The following TASOR2 variants were observed in gnomAD, a reference collection of about 807,000 sequenced individuals.
TASOR2 encodes the protein protein TASOR 2.
A neutral mutation model predicts 199.5 loss-of-function variants in TASOR2; 84 were observed. The ratio of observed to expected loss-of-function variants is 0.42; its 90% CI spans 0.35 to 0.50. The LOEUF (loss-of-function observed/expected upper bound fraction) is 0.50, where lower values mean the gene tolerates loss of function less well. Ranked by LOEUF, TASOR2 falls within the 20% of genes least tolerant of loss-of-function variation. The pLI is 0.02. For synonymous variants in TASOR2, 1,103 were observed against 1,046.6 expected, an observed-to-expected ratio of 1.05 and a Z score of -1.04; for missense variants, 2,796 against 2,835.9, an observed-to-expected ratio of 0.99 and a Z score of 0.32.
chr10:5,712,007 A>T (rs1272624415), intron 1 of TASOR2, among the ~76,000 whole-genome samples: 2 of 152,068 alleles, frequency 1.3e-5, no homozygotes, highest in Non-Finnish European at 2.9e-5. Context: ...TTAAAAAAAA[A>T]AGAATAGAAA....
chr10:5,740,196 C>T lies in TASOR2; in HGVS notation c.2026C>T (p.Pro676Ser), dbSNP rs753510360. 1.2e-6 allele frequency: 2 copies of T among 1,614,192 alleles called. No homozygotes were observed. Among genetic ancestry groups the T allele is most frequent in the Admixed American group, 1.7e-5 (1 of 60,026 alleles). Residue 676 changes from proline to serine, a missense_variant, in exon 13 of 21, where the codon CCT becomes TCT. Transcript: ENST00000328090. The surrounding 1 kb of genome is among the most constrained non-coding windows in gnomAD (Gnocchi z 5.3). ...TCTACAGGAGAGAGAGATACTAAGC[C>T]CTCTGTTTCCCAGGAATGGGACAAA...
At chr10:5,729,362 AAAC>A (rs1269894351) in intron 10 of TASOR2, among the ~76,000 whole-genome samples, 1 of 151,620 alleles carries the variant, frequency 6.6e-6, no homozygotes, top group Non-Finnish European at 1.5e-5. Context: ...AAACAAAACA[AAAC>A]AACAAAAAGA....
chr10:5,700,069 C>G (rs894410760), intron 1 of TASOR2, among the ~76,000 whole-genome samples: 1 of 152,082 alleles, frequency 6.6e-6, no homozygotes, highest in African/African-American at 2.4e-5. Context: ...ACCCATTAAT[C>G]AACTTCTCTT....
chr10:5,693,708 G>A (rs1012861377), intron 1 of TASOR2, among the ~76,000 whole-genome samples: 3 of 152,172 alleles, frequency 2.0e-5, no homozygotes, highest in African/African-American at 7.2e-5. Context: ...TTCCAAAGTG[G>A]AAATAGCTTT....
chr10:5,703,376 T>G (rs1371309203), intron 1 of TASOR2, among the ~76,000 whole-genome samples: 4 of 152,278 alleles, frequency 2.6e-5, no homozygotes, highest in African/African-American at 9.6e-5. Context: ...TTTAAATCTC[T>G]CAGTATGATT....
rs1837528181 is a variant in TASOR2 at position 5,748,419 on chromosome 10, A to G, written c.4998A>G (p.Thr1666=). 6.2e-7 allele frequency: 1 copy of G among 1,614,254 alleles called. No individual in the cohort carries two copies. The highest frequency in any genetic ancestry group is 8.5e-7 in the Non-Finnish European group (1 of 1,180,048). Residue 1666 remains threonine, a synonymous_variant, in exon 15 of 21, where the codon ACA becomes ACG. Coordinates refer to ENST00000328090, the Ensembl canonical transcript of TASOR2. This position sits in a 1 kb window ranked among gnomAD's most constrained non-coding sequence, Gnocchi z 5.1. ...TTTGTTCTTCCTCAGACAATGCTAC[A>G]TTAACCCATTATGTAAGACCAATAA...
In TASOR2 at chr10:5,701,205, T is replaced by C. The variant is rs1377619750; in HGVS notation, c.-287-11618T>C. Among the ~76,000 whole-genome samples, 1 of 152,148 alleles carries C rather than the reference T, an allele frequency of 6.6e-6. No homozygotes were observed. The highest frequency in any genetic ancestry group is 1.5e-5 in the Non-Finnish European group (1 of 67,990). ...TGTTTTGTTCTTCTGCATGTAGTTATCCAGTTTTCCCACCACCGTTTATCA... is the reference window on the plus strand; with the variant it reads ...TGTTTTGTTCTTCTGCATGTAGTTACCCAGTTTTCCCACCACCGTTTATCA... On this transcript the variant is annotated intron_variant, in intron 1 of 20. Transcript: ENST00000328090. The surrounding 1 kb of genome is among the most constrained non-coding windows in gnomAD (Gnocchi z 4.9).
rs570021898 is a variant in TASOR2 at position 5,720,912 on chromosome 10, C to A, written c.88C>A (p.Arg30Ser). Residue 30 changes from arginine to serine, a missense_variant, in exon 6 of 21, where the codon CGT becomes AGT. Transcript: ENST00000328090. This position sits in a 1 kb window ranked among gnomAD's most constrained non-coding sequence, Gnocchi z 5.3. ...GAAAGGGAAATTAATTGTTCAAGAC[C>A]GTATGCTATGTGATATAGCTCTTTG... 6.2e-7 allele frequency: 1 copy of A among 1,613,272 alleles called. No individual in the cohort carries two copies. Among genetic ancestry groups the A allele is most frequent in the Admixed American group, 1.7e-5 (1 of 59,930 alleles).
chr10:5,718,392 T>TAAAA (rs59475949), intron 3 of TASOR2, among the ~76,000 whole-genome samples: 4 of 137,510 alleles, frequency 2.9e-5, no homozygotes, highest in African/African-American at 8.1e-5. Context: ...GACCTTTAAT[T>TAAAA]AAAAAAAAAA....
At chr10:5,705,738 C>T (rs4748307) in intron 1 of TASOR2, among the ~76,000 whole-genome samples, 40,076 of 151,876 alleles carry the variant, frequency 0.26, 6,054 homozygotes, top group Non-Finnish European at 0.34. Flanking sequence ...GACCCATTTC[C>T]CATGTTTCTT....
intron 8 of TASOR2, 99 bp downstream of exon 9, chr10:5,724,632 T>G (rs370759992): frequency 0.015 from 2,613 of 178,914 alleles, 85 homozygotes; most frequent in South Asian, 0.058. Context: ...TATATATATA[T>G]ATAGATAGAT....
rs981443126 is a variant in TASOR2 at position 5,720,211 on chromosome 10, G to A, written c.-99-333G>A. 2 of 964,626 alleles carry A rather than the reference G, an allele frequency of 2.1e-6. No individual in the cohort carries two copies. The highest frequency in any genetic ancestry group is 2.5e-6 in the Non-Finnish European group (2 of 811,064). 59.8% of individuals were successfully genotyped at this position (964,626 alleles called of 1,614,324 possible). A position where few individuals can be genotyped will look rare whatever the true frequency, so the allele number is the denominator to read the frequency against. ...CTTCTAAATGAATCCTAGAGTAAAG[G>A]TTATTGCTATTCGAAGGCATCTGAT... On this transcript the variant is annotated intron_variant, in intron 3 of 20. Coordinates refer to ENST00000328090, the Ensembl canonical transcript of TASOR2. This position sits in a 1 kb window ranked among gnomAD's most constrained non-coding sequence, Gnocchi z 5.3.
intron 2 of TASOR2, among the ~76,000 whole-genome samples, chr10:5,714,976 G>C (rs1237214029): frequency 2.6e-5 from 4 of 152,148 alleles, no homozygotes; most frequent in Non-Finnish European, 4.4e-5. Flanking sequence ...GGCATGGAAA[G>C]AGAAGATGGC....
intron 17 of TASOR2, among the ~76,000 whole-genome samples, chr10:5,758,659 G>A (rs1450113276): frequency 6.6e-6 from 1 of 152,214 alleles, no homozygotes; most frequent in Non-Finnish European, 1.5e-5. Context: ...CACTGTGTTC[G>A]TGTCTACAGA....
intron 19 of TASOR2, chr10:5,761,830 T>TA (rs200728501): frequency 0.028 from 4,513 of 162,720 alleles, 96 homozygotes; most frequent in South Asian, 0.05. Context: ...GGTCAGGAGT[T>TA]AGAGACCAGC....
At chr10:5,739,777 T>C (rs372455219) in exon 13 of TASOR2, 38 of 1,614,066 alleles carry the variant, frequency 2.4e-5, no homozygotes, top group Non-Finnish European at 3.2e-5. Flanking sequence ...GCCCTAAATA[T>C]GTTAGCCGAT....
At position 5,728,340 on chromosome 10, in the gene TASOR2, A is replaced by C. The variant is rs60255716; in HGVS notation, c.487+1217A>C. Reference sequence around the variant, plus strand: ...ATAAACATGTTTTTAAAGTTTTTTTAAAAAATTCAGTTACTGGCTAGGCAG... The same window carrying C: ...ATAAACATGTTTTTAAAGTTTTTTTCAAAAATTCAGTTACTGGCTAGGCAG... On this transcript the variant is annotated intron_variant, in intron 10 of 20. Coordinates refer to ENST00000328090, the Ensembl canonical transcript of TASOR2. Among the ~76,000 whole-genome samples, 4 of 152,252 alleles carry C rather than the reference A, an allele frequency of 2.6e-5. No individual in the cohort carries two copies. In the East Asian group the frequency reaches 5.8e-4, roughly 22 times the overall value.
chr10:5,748,443 A>G lies in TASOR2; in HGVS notation c.5022A>G (p.Ile1674Met). 6.2e-7 allele frequency: 1 copy of G among 1,614,244 alleles called. No homozygotes were observed. Among genetic ancestry groups the G allele is most frequent in the East Asian group, 2.2e-5 (1 of 44,894 alleles). ...CATTAACCCATTATGTAAGACCAAT[A>G]AATGCAGAGCCAGTGTTTCAAGCAC... Residue 1674 changes from isoleucine to methionine, a missense_variant, in exon 15 of 21, where the codon ATA (isoleucine) becomes ATG (methionine). Transcript: ENST00000328090. This position sits in a 1 kb window ranked among gnomAD's most constrained non-coding sequence, Gnocchi z 5.1.
At position 5,735,500 on chromosome 10, in the gene TASOR2, AG is replaced by A; in HGVS notation, c.1402del (p.Val468Ter). ...CTCCACAAAAACAGAGAGTAAATATAGTAAAAGGCAATGAGAACCCCAGAAA... is the reference window on the plus strand; with the variant it reads ...CTCCACAAAAACAGAGAGTAAATATATAAAAGGCAATGAGAACCCCAGAAA... On this transcript the variant is annotated frameshift_variant, in exon 12 of 21. Transcript: ENST00000328090. LOFTEE classifies it high-confidence loss of function. The A allele has an allele frequency of 6.2e-7, 1 of 1,614,120 alleles. No individual in the cohort carries two copies. The highest frequency in any genetic ancestry group is 8.5e-7 in the Non-Finnish European group (1 of 1,180,008).
Sources: allele counts gnomAD v4.1 joint callset (sites outside exome capture counted in the v4.1 genomes callset), GRCh38; gene constraint gnomAD v4.1.1; non-coding constraint Gnocchi (gnomAD v3.1); transcripts MANE v1.5; gene names NCBI Gene and HGNC (gene_info 2026-07-23, HGNC 2026-07-21).